The following PPP2R2B variants were observed in gnomAD, a reference collection of about 807,000 sequenced individuals.
PPP2R2B encodes the protein protein phosphatase 2 regulatory subunit Bbeta.
A neutral mutation model predicts 46.0 loss-of-function variants in PPP2R2B; 5 were observed. The ratio of observed to expected loss-of-function variants is 0.11; its 90% confidence interval spans 0.06 to 0.23. The LOEUF (loss-of-function observed/expected upper bound fraction) is 0.23, where lower values mean the gene tolerates loss of function less well. Ranked by LOEUF, PPP2R2B falls within the 10% of genes least tolerant of loss-of-function variation. The pLI is 1.00. For synonymous variants in PPP2R2B, 215 were observed against 206.7 expected (o/e 1.04, Z -0.34); for missense variants, 367 against 575.0 (o/e 0.64, Z 3.70).
At chr5:146,641,048 A>G (rs1775174170) in intron 6 of PPP2R2B, among the ~76,000 whole-genome samples, 1 of 152,128 alleles carries the variant, frequency 6.6e-6, no homozygotes, top group African/African-American at 2.4e-5. Flanking sequence ...CCTCTTTTTA[A>G]TCACTGGGAT....
chr5:146,671,085 A>G (rs992046346), intron 5 of PPP2R2B, among the ~76,000 whole-genome samples: 3 of 152,178 alleles, frequency 2.0e-5, no homozygotes, highest in African/African-American at 7.2e-5. Flanking sequence ...TGATGTCATC[A>G]GAATAATTTA....
chr5:146,770,473 A>G (rs1010833027), intron 2 of PPP2R2B, among the ~76,000 whole-genome samples: 2 of 152,020 alleles, frequency 1.3e-5, no homozygotes, highest in African/African-American at 4.8e-5. Context: ...GTAAGAAACT[A>G]TATAATATAG....
chr5:146,593,705 G>C (rs886277540), intron 8 of PPP2R2B, among the ~76,000 whole-genome samples: 8 of 152,160 alleles, frequency 5.3e-5, no homozygotes, highest in Non-Finnish European at 1.0e-4. Flanking sequence ...GGCTCTCCAA[G>C]CATAGGAAAC....
intron 1 of PPP2R2B, among the ~76,000 whole-genome samples, chr5:146,909,480 GATTT>G (rs1763108819): frequency 6.6e-6 from 1 of 152,130 alleles, no homozygotes; most frequent in South Asian, 2.1e-4. Context: ...TTCAAAACCT[GATTT>G]ATTTGCATTC....
At chr5:146,594,887 T>C (rs1377512369) in intron 8 of PPP2R2B, among the ~76,000 whole-genome samples, 1 of 152,202 alleles carries the variant, frequency 6.6e-6, no homozygotes, top group Non-Finnish European at 1.5e-5. Flanking sequence ...TTAAGAGTGA[T>C]GATTCGATCT....
chr5:146,915,506 C>T (rs1561515774), intron 1 of PPP2R2B, among the ~76,000 whole-genome samples: 1 of 151,954 alleles, frequency 6.6e-6, no homozygotes, highest in East Asian at 1.9e-4. Flanking sequence ...TACCCCTCCC[C>T]CACTGCTATT....
intron 5 of PPP2R2B, among the ~76,000 whole-genome samples, chr5:146,682,270 T>C (rs1778224512): frequency 6.6e-6 from 1 of 152,202 alleles, no homozygotes; most frequent in African/African-American, 2.4e-5. Context: ...ATTGCTAGTC[T>C]CTAGATGTAA....
intron 6 of PPP2R2B, among the ~76,000 whole-genome samples, chr5:146,640,634 C>A (rs774032967): frequency 4.6e-5 from 7 of 152,204 alleles, no homozygotes; most frequent in Non-Finnish European, 1.0e-4. Flanking sequence ...AATCTGGTGT[C>A]AGCTTTCTCA....
intron 1 of PPP2R2B, among the ~76,000 whole-genome samples, chr5:147,029,584 C>A (rs1755684692): frequency 1.3e-5 from 2 of 152,008 alleles, no homozygotes; most frequent in South Asian, 4.1e-4. Flanking sequence ...TGCCCCCCTG[C>A]AAATTTATAT....
At chr5:147,058,773 A>C (rs1757169248), upstream of PPP2R2B, among the ~76,000 whole-genome samples, 1 of 152,190 alleles carries the variant, frequency 6.6e-6, no homozygotes, top group Non-Finnish European at 1.5e-5. Flanking sequence ...GAACTGTTTC[A>C]GTGTGCTTCT....
intron 2 of PPP2R2B, among the ~76,000 whole-genome samples, chr5:147,074,596 A>AT (rs1250947756): frequency 2.6e-5 from 4 of 152,004 alleles, no homozygotes; most frequent in African/African-American, 7.2e-5. Flanking sequence ...TTATTTATTT[A>AT]TTTTTTTTCT....
At chr5:147,074,982 A>G (rs1757719069) in intron 2 of PPP2R2B, among the ~76,000 whole-genome samples, 1 of 152,176 alleles carries the variant, frequency 6.6e-6, no homozygotes, top group Admixed American at 6.5e-5. Flanking sequence ...GACATCAAAG[A>G]ACTGCAGAGT....
rs149243055 is a variant in PPP2R2B, at chr5:146,857,575, C to T, written c.70+20427G>A. On this transcript the variant is annotated intron_variant, in intron 2 of 9. Transcript: ENST00000394411. ...GAGATAAAATCACCACCAGCCAGTA[C>T]TGATACTGGATCAAAGATTAAGGTT... 6.4e-3 allele frequency among the ~76,000 whole-genome samples: 972 copies of T among 152,266 alleles called. 11 individuals are homozygous for T. The highest frequency in any genetic ancestry group is 0.022 in the African/African-American group (928 of 41,548).
intron 5 of PPP2R2B, among the ~76,000 whole-genome samples, chr5:146,678,172 C>T (rs977139630): frequency 2.0e-4 from 30 of 152,104 alleles, no homozygotes; most frequent in African/African-American, 7.2e-4. Context: ...AATCCAGCAG[C>T]ACCTCAAAAA....
chr5:146,941,741 G>T (rs542703830), intron 1 of PPP2R2B, among the ~76,000 whole-genome samples: 1 of 152,138 alleles, frequency 6.6e-6, no homozygotes, highest in African/African-American at 2.4e-5. Context: ...TATTGCATCT[G>T]TATAGTAAAT....
intron 7 of PPP2R2B, 143 bp downstream of exon 7, chr5:146,638,107 TA>T: frequency 1.4e-6 from 1 of 700,336 alleles, no homozygotes; most frequent in Non-Finnish European, 2.2e-6. Flanking sequence ...TACTGAAATA[TA>T]AAATACGGAG....
chr5:146,623,950 G>A (rs1009257624), intron 7 of PPP2R2B, among the ~76,000 whole-genome samples: 1 of 152,120 alleles, frequency 6.6e-6, no homozygotes, highest in Non-Finnish European at 1.5e-5. Flanking sequence ...TGGGGGGCTT[G>A]AATTAACCGA....
intron 2 of PPP2R2B, among the ~76,000 whole-genome samples, chr5:146,744,716 A>C (rs1753071584): frequency 6.6e-6 from 1 of 152,210 alleles, no homozygotes; most frequent in Non-Finnish European, 1.5e-5. Flanking sequence ...AGAAACAAAG[A>C]ACAACACATT....
upstream of PPP2R2B, among the ~76,000 whole-genome samples, chr5:147,059,738 T>C (rs1002147702): frequency 2.6e-5 from 4 of 152,200 alleles, no homozygotes; most frequent in Non-Finnish European, 5.9e-5. Context: ...GTTTCTTGAG[T>C]GCTGTGCTCT....
Sources: allele counts gnomAD v4.1 joint callset (sites outside exome capture counted in the v4.1 genomes callset), GRCh38; gene constraint gnomAD v4.1.1; transcripts MANE v1.5; gene names NCBI Gene and HGNC (gene_info 2026-07-23, HGNC 2026-07-21).